Variants in HEATR5B observed in about 807,000 individuals in gnomAD.
HEATR5B encodes the protein HEAT repeat-containing protein 5B.
In HEATR5B, 156 loss-of-function variants were observed where a neutral mutation model predicts 224.1. That is an observed-to-expected ratio of 0.70 (90% CI 0.61 to 0.80). The LOEUF is 0.80. Among genes scored for constraint, HEATR5B ranks in the 30% least tolerant of loss-of-function variants. The pLI, the probability that HEATR5B is intolerant of heterozygous loss-of-function variation, is 0.00. For synonymous variants in HEATR5B, 1,027 were observed against 893.0 expected, an observed-to-expected ratio of 1.15 and a Z score of -2.68; for missense variants, 2,323 against 2,535.5, an observed-to-expected ratio of 0.92 and a Z score of 1.80.
Position 37,068,845 on chromosome 2 carries a change from A to G in HEATR5B, c.1013T>C (p.Val338Ala), listed in dbSNP as rs994527270. The G allele has an allele frequency of 6.2e-7, 1 of 1,613,994 alleles. No homozygotes were observed. Among genetic ancestry groups the G allele is most frequent in the African/African-American group, 1.3e-5 (1 of 74,902 alleles). Residue 338 changes from valine (V) to alanine (A), a missense_variant, in exon 8 of 36, where the codon GTT becomes GCT. Val to Ala is a moderately conservative substitution (Grantham distance 64, BLOSUM62 0). Around this residue, in one of 12 missense-constraint regions of HEATR5B, gnomAD observed 502 missense variants for 517.8 expected, o/e 0.97. Transcript: ENST00000233099. ...TGTTTGTGTTGCCCGAGGATGGGAA[A>G]CCAGATCAAGTACATGGGACAGGAA... ...ATFLSHVLDL[V>A]SHPRATQTHV...
intron 31 of HEATR5B, among the ~76,000 whole-genome samples, chr2:37,003,260 C>CAAAA (rs757178937): frequency 8.8e-5 from 5 of 56,868 alleles, no homozygotes; most frequent in Admixed American, 2.7e-4. Flanking sequence ...GTCCCGCCCG[C>CAAAA]AAAAAAAAAA....
In HEATR5B at chr2:37,072,055, T is replaced by C. The variant is rs370910864; in HGVS notation, c.769+55A>G. The C allele has an allele frequency of 1.6e-5, 22 of 1,369,260 alleles. No homozygotes were observed. In the African/African-American group the frequency reaches 2.0e-4, roughly 13 times the overall value. 84.8% of individuals were successfully genotyped at this position (1,369,260 alleles called of 1,614,324 possible). ...TAAATCCATTACACTGACTTGCCTA[T>C]ATGCAATAACTAATTAGGTCTGTTA... On this transcript the variant is annotated intron_variant, in intron 6 of 35. Coordinates refer to ENST00000233099, the MANE Select transcript of HEATR5B (RefSeq NM_019024.3).
chr2:37,017,587 G>A (rs1668197959), intron 26 of HEATR5B, among the ~76,000 whole-genome samples: 1 of 149,900 alleles, frequency 6.7e-6, no homozygotes, highest in South Asian at 2.1e-4. Flanking sequence ...TCAGGAGGCT[G>A]AGGCAGGAGA....
chr2:36,982,863 TACAC>T (rs3836070), intron 35 of HEATR5B, among the ~76,000 whole-genome samples: 6,878 of 125,972 alleles, frequency 0.055, 388 homozygotes, highest in African/African-American at 0.15. Context: ...CAGACACAGA[TACAC>T]ACACACACAC....
At chr2:37,007,003 A>G in intron 29 of HEATR5B, 47 bp downstream of exon 29, 1 of 1,572,530 alleles carries the variant, frequency 6.4e-7, no homozygotes, top group Admixed American at 1.7e-5. Flanking sequence ...AAAGATATGA[A>G]TTTTCAGAAG....
intron 35 of HEATR5B, among the ~76,000 whole-genome samples, chr2:36,988,152 AT>A (rs1666071790): frequency 6.6e-6 from 1 of 152,166 alleles, no homozygotes; most frequent in Non-Finnish European, 1.5e-5. Context: ...AAAAAAAAAA[AT>A]CGCTGTGTTG....
intron 18 of HEATR5B, 36 bp from the exon 19 acceptor site, chr2:37,041,328 C>T (rs747069126): frequency 8.1e-6 from 13 of 1,597,954 alleles, no homozygotes; most frequent in African/African-American, 6.7e-5. Flanking sequence ...ACTAACTTTG[C>T]TATTTCCCTA....
chr2:37,000,261 G>C lies in HEATR5B; in HGVS notation c.5545+325C>G, dbSNP rs1362182249. Among the ~76,000 whole-genome samples the C allele has an allele frequency of 2.6e-5, 4 of 152,066 alleles. No homozygotes were observed. In the East Asian group the frequency reaches 7.8e-4, roughly 30 times the overall value. ...CCCGGCTAATTCTGTATTTTTAGTA[G>C]AGATGGGGTTTCACCGTGTTAATCA... On this transcript the variant is annotated intron_variant, in intron 33 of 35. Transcript: ENST00000233099.
chr2:36,987,019 T>C (rs568145371), intron 35 of HEATR5B, among the ~76,000 whole-genome samples: 2 of 151,918 alleles, frequency 1.3e-5, no homozygotes, highest in African/African-American at 2.4e-5. Flanking sequence ...TCCCAAAGTG[T>C]TGGGATTACA....
At chr2:36,990,893 T>C (rs1666282885) in intron 33 of HEATR5B, 94 bp from the exon 34 acceptor site, 13 of 1,085,718 alleles carry the variant, frequency 1.2e-5, no homozygotes, top group African/African-American at 1.6e-5. Flanking sequence ...TCTTGCCATG[T>C]TGTCCAGGCT....
At chr2:37,054,191 TG>T (rs376969708) in intron 16 of HEATR5B, among the ~76,000 whole-genome samples, 75,623 of 121,104 alleles carry the variant, frequency 0.62, 24,216 homozygotes, top group African/African-American at 0.75. Flanking sequence ...ATGATTTCTC[TG>T]TTTTTTTTTT....
intron 26 of HEATR5B, among the ~76,000 whole-genome samples, chr2:37,019,363 A>T (rs1277150075): frequency 6.6e-6 from 1 of 152,094 alleles, no homozygotes; most frequent in Non-Finnish European, 1.5e-5. Context: ...AATGTTTATT[A>T]CCTAATTATT....
rs1442374251 is a variant in HEATR5B at position 37,000,741 on chromosome 2, G to A, written c.5390C>T (p.Ala1797Val). 2 of 1,613,942 alleles carry A rather than the reference G, an allele frequency of 1.2e-6. No homozygotes were observed. The highest frequency in any genetic ancestry group is 1.7e-6 in the Non-Finnish European group (2 of 1,179,950). The change falls in exon 33 of 36, where the codon GCA becomes GTA. Residue 1797 changes from alanine to valine, a missense_variant. Coordinates refer to ENST00000233099, the MANE Select transcript of HEATR5B (RefSeq NM_019024.3). ...GACTGGTGGAGGAACCTGATTATCT[G>A]CAGACTTTATTGCTGTGTCTTTCAA... is the stretch of plus-strand genomic sequence containing the variant. ...RILKDTAIKS[A>V]DNQVPPPVSA...
In HEATR5B at chr2:37,008,581, TA is replaced by T. The variant is rs151110628; in HGVS notation, c.4522+29del. Reference sequence around the variant, plus strand: ...TGTTTAACTACTACTTTGAACTCCATAAAAGTAAAACTCAGAATGTAATACT... The same window carrying T: ...TGTTTAACTACTACTTTGAACTCCATAAAGTAAAACTCAGAATGTAATACT... On this transcript the variant is annotated intron_variant, in intron 28 of 35. Coordinates refer to ENST00000233099, the MANE Select transcript of HEATR5B (RefSeq NM_019024.3). 4.4e-4 allele frequency: 654 copies of T among 1,497,854 alleles called. 8 individuals carry two copies. The African/African-American group carries it at 8.2e-3, about 19-fold the overall frequency. The allele number at this position is 1,497,854 out of a possible 1,614,324, so 92.8% of individuals were successfully genotyped here.
intron 20 of HEATR5B, among the ~76,000 whole-genome samples, chr2:37,039,281 A>G (rs1291970726): frequency 1.3e-5 from 2 of 152,120 alleles, no homozygotes; most frequent in Non-Finnish European, 2.9e-5. Context: ...CCTGGCCAAC[A>G]TGGTGAAACC....
At chr2:37,057,245 T>C in intron 15 of HEATR5B, 72 bp downstream of exon 15, 2 of 1,184,542 alleles carry the variant, frequency 1.7e-6, no homozygotes, top group South Asian at 1.8e-5. Flanking sequence ...TATTTTCTTT[T>C]TAAGTGACAA....
intron 20 of HEATR5B, among the ~76,000 whole-genome samples, chr2:37,039,508 C>T (rs1669745809): frequency 6.6e-6 from 1 of 152,152 alleles, no homozygotes; most frequent in African/African-American, 2.4e-5. Flanking sequence ...TCACTTCTTA[C>T]TCCAACCACT....
rs576683814 is a variant in HEATR5B, at chr2:37,005,882, A to G, written c.4778-123T>C. Reference sequence around the variant, plus strand: ...CTTAACATGTATTTATTAATACCTTAAAGTAGACTTCAAAATGGTTTCCAA... The same window carrying G: ...CTTAACATGTATTTATTAATACCTTGAAGTAGACTTCAAAATGGTTTCCAA... On this transcript the variant is annotated intron_variant, in intron 29 of 35. Transcript: ENST00000233099. 15 of 682,990 alleles carry G rather than the reference A, an allele frequency of 2.2e-5. No homozygotes were observed. In the South Asian group the frequency reaches 3.3e-4, roughly 15 times the overall value. 42.3% of individuals were successfully genotyped at this position (682,990 alleles called of 1,614,324 possible).
At position 37,060,731 on chromosome 2, in the gene HEATR5B, G is replaced by C. The variant is rs1558360865; in HGVS notation, c.1699C>G (p.Pro567Ala). Residue 567 changes from proline (P) to alanine (A), a missense_variant and splice_region_variant, in exon 12 of 36, where the codon CCA becomes GCA. Pro to Ala is a conservative substitution (Grantham distance 27, BLOSUM62 -1). This residue lies in a region of HEATR5B where 502 missense variants were observed against 517.8 expected (regional missense o/e 0.97). Coordinates refer to ENST00000233099, the MANE Select transcript of HEATR5B (RefSeq NM_019024.3). ...GGCAGATGGTAACGAACGACAGATGGTCCTAGCCAAGAAAATGAGAATACA... is the reference window on the plus strand; with the variant it reads ...GGCAGATGGTAACGAACGACAGATGCTCCTAGCCAAGAAAATGAGAATACA... Reference protein sequence around the residue: ...LLLGALMTLGPSVVRYHLPKM... With the variant: ...LLLGALMTLGASVVRYHLPKM... The C allele has an allele frequency of 1.9e-6, 3 of 1,610,960 alleles. No homozygotes were observed. Among genetic ancestry groups the C allele is most frequent in the Non-Finnish European group, 2.5e-6 (3 of 1,178,228 alleles).
Sources: gnomAD v4.1 joint callset for allele counts (sites outside exome capture counted in the v4.1 genomes callset) on GRCh38, gnomAD v4.1.1 for gene constraint, gnomAD v4.1.1 regional missense constraint, MANE v1.5 for transcripts, NCBI Gene and HGNC (gene_info 2026-07-23, HGNC 2026-07-21) for gene names.